Variants in TMEFF2 observed in about 807,000 individuals in gnomAD.
TMEFF2 encodes the protein tomoregulin-2.
In TMEFF2, 28 loss-of-function variants were observed where a neutral mutation model predicts 53.8. The observed-to-expected ratio is 0.52, with a 90% CI of 0.39 to 0.71. The LOEUF (loss-of-function observed/expected upper bound fraction) is 0.71. Ranked by LOEUF, TMEFF2 falls within the 30% of genes least tolerant of loss-of-function variation. The probability of loss-of-function intolerance (pLI) is 0.00; values close to 1 mark genes in which losing one functional copy is unlikely to be tolerated. For missense variants in TMEFF2, 353 were observed against 455.2 expected, an observed-to-expected ratio of 0.78 and a Z score of 2.04; for synonymous variants, 162 against 166.3, an observed-to-expected ratio of 0.97 and a Z score of 0.20.
chr2:192,049,197 T>C (rs1221767266), intron 5 of TMEFF2, among the ~76,000 whole-genome samples: 1 of 151,802 alleles, frequency 6.6e-6, no homozygotes, highest in Admixed American at 6.6e-5. Flanking sequence ...TACACTTATA[T>C]ACACACATAA....
At chr2:192,092,341 T>G (rs1252384726) in intron 4 of TMEFF2, among the ~76,000 whole-genome samples, 1 of 152,142 alleles carries the variant, frequency 6.6e-6, no homozygotes, top group Non-Finnish European at 1.5e-5. Context: ...TATATTACCA[T>G]ATGAGAATTT....
At position 192,189,125 on chromosome 2, in the gene TMEFF2, G is replaced by A. The variant is rs571942706; in HGVS notation, c.282+2755C>T. ...GACAGAAATCAGTTTATTTAAAATC[G>A]TCTAAGAGAGGTGAAGGCTAATAAT... On this transcript the variant is annotated intron_variant, in intron 2 of 9. Transcript: ENST00000272771. Among the ~76,000 whole-genome samples, 67 of 152,256 alleles carry A rather than the reference G, an allele frequency of 4.4e-4. 2 individuals carry two copies. The highest frequency in any genetic ancestry group is 6.2e-4 in the South Asian group (3 of 4,826).
In TMEFF2 at chr2:191,991,808, C is replaced by T. The variant is rs535841581; in HGVS notation, c.745+6454G>A. ...AATACAAAGTTTTCCAGAGTGTCTA[C>T]CAGGGCCCAAGGCAACTCTTCAGTG... On this transcript the variant is annotated intron_variant, in intron 7 of 9. Coordinates refer to ENST00000272771, the MANE Select transcript of TMEFF2 (RefSeq NM_016192.4). 8.5e-5 allele frequency among the ~76,000 whole-genome samples: 13 copies of T among 152,148 alleles called. No homozygotes were observed. The East Asian group carries it at 2.5e-3, about 29-fold the overall frequency.
chr2:192,059,778 G>A (rs1687999561), intron 4 of TMEFF2, among the ~76,000 whole-genome samples: 1 of 152,114 alleles, frequency 6.6e-6, no homozygotes, highest in African/African-American at 2.4e-5. Flanking sequence ...GGAGATGTTT[G>A]GAAATTCTCT....
At chr2:192,039,023 C>T in intron 5 of TMEFF2, among the ~76,000 whole-genome samples, 1 of 151,984 alleles carries the variant, frequency 6.6e-6, no homozygotes, top group Non-Finnish European at 1.5e-5. Flanking sequence ...GGTTTTTGGT[C>T]CTTAATGCAA....
chr2:192,042,079 T>C (rs1412300062), intron 5 of TMEFF2, among the ~76,000 whole-genome samples: 2 of 151,946 alleles, frequency 1.3e-5, no homozygotes, highest in Non-Finnish European at 2.9e-5. Context: ...CAGGCACCTG[T>C]AATCCCAGCT....
intron 4 of TMEFF2, among the ~76,000 whole-genome samples, chr2:192,148,292 G>C (rs79938894): frequency 0.01 from 1,574 of 152,112 alleles, 10 homozygotes; most frequent in Non-Finnish European, 0.016. Context: ...TGAAGAGAAA[G>C]TGTTGGATCT....
chr2:192,135,343 C>T (rs1403344604), intron 4 of TMEFF2, among the ~76,000 whole-genome samples: 1 of 151,936 alleles, frequency 6.6e-6, no homozygotes, highest in East Asian at 1.9e-4. Context: ...ATCAGATGTC[C>T]TAGGTCCTCC....
In TMEFF2 at chr2:192,038,734, C is replaced by G. The variant is rs1687397022; in HGVS notation, c.536+18945G>C. ...CTCCTGGACTGAGCAATCTACCTGC[C>G]TCGGCCTCCCAAGATACTGGGATTA... On this transcript the variant is annotated intron_variant, in intron 5 of 9. Coordinates refer to ENST00000272771, the MANE Select transcript of TMEFF2 (RefSeq NM_016192.4). 2.0e-5 allele frequency among the ~76,000 whole-genome samples: 3 copies of G among 152,228 alleles called. No homozygotes were observed. The South Asian group carries it at 6.2e-4, about 32-fold the overall frequency.
chr2:191,970,430 C>T (rs1303870750), intron 7 of TMEFF2, among the ~76,000 whole-genome samples: 1 of 151,626 alleles, frequency 6.6e-6, no homozygotes, highest in Non-Finnish European at 1.5e-5. Flanking sequence ...CTGGTGTCCT[C>T]AAGAGGAAGG....
intron 4 of TMEFF2, among the ~76,000 whole-genome samples, chr2:192,099,525 C>A (rs191341069): frequency 6.6e-6 from 1 of 152,116 alleles, no homozygotes; most frequent in East Asian, 1.9e-4. Context: ...TTTTCTAAAC[C>A]CTTGAACTCA....
chr2:192,100,591 A>AAAAC (rs1198483046), intron 4 of TMEFF2, among the ~76,000 whole-genome samples: 2 of 152,174 alleles, frequency 1.3e-5, no homozygotes, highest in Non-Finnish European at 2.9e-5. Flanking sequence ...TTAAATGCTA[A>AAAAC]AAACAAACAA....
intron 4 of TMEFF2, among the ~76,000 whole-genome samples, chr2:192,086,207 C>A (rs577844578): frequency 6.6e-6 from 1 of 152,206 alleles, no homozygotes; most frequent in African/African-American, 2.4e-5. Flanking sequence ...TTGGCATATC[C>A]GGTTGTTGGT....
intron 5 of TMEFF2, among the ~76,000 whole-genome samples, chr2:192,029,615 C>G (rs1687064028): frequency 6.6e-6 from 1 of 152,092 alleles, no homozygotes; most frequent in Admixed American, 6.5e-5. Flanking sequence ...CAACATTTCC[C>G]AAACCACTTT....
At chr2:192,024,449 G>C (rs1156985121) in intron 5 of TMEFF2, among the ~76,000 whole-genome samples, 2 of 152,166 alleles carry the variant, frequency 1.3e-5, no homozygotes, top group Non-Finnish European at 2.9e-5. Context: ...GCATGGTATA[G>C]AATAGAGCTG....
chr2:192,004,253 T>C (rs1258685275), intron 5 of TMEFF2, among the ~76,000 whole-genome samples: 1 of 152,174 alleles, frequency 6.6e-6, no homozygotes, highest in African/African-American at 2.4e-5. Context: ...TAAGGCTCAC[T>C]GTCCTCCTTT....
intron 4 of TMEFF2, among the ~76,000 whole-genome samples, chr2:192,081,330 GTTTCA>G (rs1179175806): frequency 6.6e-6 from 1 of 151,942 alleles, no homozygotes; most frequent in African/African-American, 2.4e-5. Flanking sequence ...ATGAAAATTT[GTTTCA>G]TACTTAAGTA....
At chr2:191,970,758 T>G (rs998073568) in intron 7 of TMEFF2, among the ~76,000 whole-genome samples, 1 of 152,226 alleles carries the variant, frequency 6.6e-6, no homozygotes, top group Non-Finnish European at 1.5e-5. Context: ...TGATAGAGTG[T>G]ATCTTTTAAT....
At chr2:192,106,349 T>C (rs927445740) in intron 4 of TMEFF2, among the ~76,000 whole-genome samples, 1 of 151,746 alleles carries the variant, frequency 6.6e-6, no homozygotes, top group African/African-American at 2.4e-5. Context: ...TTGGTACATA[T>C]GGGAGTTATT....
Sources: gnomAD v4.1 joint callset for allele counts (sites outside exome capture counted in the v4.1 genomes callset) on GRCh38, gnomAD v4.1.1 for gene constraint, MANE v1.5 for transcripts, NCBI Gene and HGNC (gene_info 2026-07-23, HGNC 2026-07-21) for gene names.